The following C21orf58 variants were observed in gnomAD, a reference collection of about 807,000 sequenced individuals.
The protein encoded by C21orf58 is uncharacterized protein C21orf58.
C21orf58 carries 34 observed loss-of-function variants against 35.8 expected under a neutral mutation model. That is an observed-to-expected ratio of 0.95 (90% CI 0.72 to 1.26). The LOEUF (loss-of-function observed/expected upper bound fraction) is 1.26, where lower values mean the gene tolerates loss of function less well. C21orf58 is among the 50% of genes most tolerant of loss of function. C21orf58 has a pLI of 0.00. For synonymous variants in C21orf58, 191 were observed against 175.8 expected, an observed-to-expected ratio of 1.09 and a Z score of -0.68; for missense variants, 440 against 414.3, an observed-to-expected ratio of 1.06 and a Z score of -0.54.
At position 46,318,002 on chromosome 21, in the gene C21orf58, T is replaced by C. The variant is rs1601703535; in HGVS notation, c.309+10A>G. 2 of 1,612,910 alleles carry C rather than the reference T, an allele frequency of 1.2e-6. No homozygotes were observed. The highest frequency in any genetic ancestry group is 2.2e-5 in the East Asian group (1 of 44,860). On this transcript the variant is annotated intron_variant, in intron 2 of 7. Transcript: ENST00000291691. ...TGTTAAAAACAGGAGCATCCCGGGC[T>C]CTGCCTCACCTGTCCCAAGAGCTTC...
At position 46,323,842 on chromosome 21, in the gene C21orf58, C is replaced by T. The variant is rs962186620; in HGVS notation, c.-1104G>A. The T allele has an allele frequency of 5.4e-6, 2 of 367,300 alleles. No homozygotes were observed. The highest frequency in any genetic ancestry group is 2.2e-5 in the African/African-American group (1 of 46,208). 22.8% of individuals were successfully genotyped at this position (367,300 alleles called of 1,614,324 possible). The stretch of plus-strand genomic sequence containing the variant: ...GGTGGACACAAAGCCCAGGGGCCGC[C>T]CGCGCGGGACCAGCAGCGCGAACTT... On this transcript the variant is annotated 5_prime_UTR_variant, in exon 1 of 8. Coordinates refer to ENST00000291691, the MANE Select transcript of C21orf58 (RefSeq NM_058180.5).
chr21:46,322,553 G>A (rs370909111), intron 1 of C21orf58, 86 bp downstream of exon 1: 2 of 1,343,590 alleles, frequency 1.5e-6, no homozygotes, highest in Non-Finnish European at 1.9e-6. Flanking sequence ...CCTGGCCCCT[G>A]CTCTAATGAG....
At position 46,323,113 on chromosome 21, in the gene C21orf58, G is replaced by C. The variant is rs2083231511; in HGVS notation, c.-375C>G. 1.3e-5 allele frequency: 2 copies of C among 157,672 alleles called. No homozygotes were observed. The highest frequency in any genetic ancestry group is 1.3e-4 in the Admixed American group (2 of 15,430). 9.8% of individuals were successfully genotyped at this position (157,672 alleles called of 1,614,324 possible). On this transcript the variant is annotated 5_prime_UTR_variant, in exon 1 of 8. Coordinates refer to ENST00000291691, the MANE Select transcript of C21orf58 (RefSeq NM_058180.5). ...CTTGGTTTTTTGCCACTTCGCTCCA[G>C]TTAGTTTCCCAAGTTCCACCTACGC...
chr21:46,311,592 A>C (rs373847445), intron 5 of C21orf58, 25 bp from the exon 6 acceptor site: 10 of 1,424,778 alleles, frequency 7.0e-6, no homozygotes, highest in Non-Finnish European at 8.8e-6. Context: ...GTGATTAGCT[A>C]TCTGCATATG....
intron 6 of C21orf58, among the ~76,000 whole-genome samples, chr21:46,306,863 C>T (rs1196533457): frequency 1.3e-5 from 2 of 152,048 alleles, no homozygotes; most frequent in Non-Finnish European, 2.9e-5. Flanking sequence ...GCTGGGATTA[C>T]AGGTGTGAGC....
Position 46,314,745 on chromosome 21 carries a change from G to A in C21orf58, c.580C>T (p.Pro194Ser), listed in dbSNP as rs13047478. 0.35 allele frequency: 517,774 copies of A among 1,491,052 alleles called. 92,413 individuals carry two copies. The highest frequency in any genetic ancestry group is 0.45 in the Admixed American group (20,542 of 45,768). 92.4% of individuals were successfully genotyped at this position (1,491,052 alleles called of 1,614,324 possible). A position where few individuals can be genotyped will look rare whatever the true frequency, so the allele number is the denominator to read the frequency against. The change falls in exon 5 of 8, where the codon CCA becomes TCA. Residue 194 changes from proline to serine, a missense_variant. Pro to Ser is a moderately conservative substitution (Grantham distance 74). Transcript: ENST00000291691. ...GGCAGGATGATCCTTGGCGGGTCTG[G>A]GGCCAGCGGGGATGGGGAGGCAGTG... ...LPTASPSPLAPDPPRIILPTV... is the reference protein window; with the variant it reads ...LPTASPSPLASDPPRIILPTV...
At chr21:46,317,073 G>A in intron 3 of C21orf58, 135 bp downstream of exon 3, 1 of 702,276 alleles carries the variant, frequency 1.4e-6, no homozygotes, top group Non-Finnish European at 2.4e-6. Context: ...AAGCGTTGAG[G>A]ACAATCTCGC....
chr21:46,321,027 CAG>C (rs1253095412), intron 1 of C21orf58, among the ~76,000 whole-genome samples: 5 of 152,012 alleles, frequency 3.3e-5, no homozygotes, highest in Admixed American at 3.3e-4. Context: ...ATGGATTTGT[CAG>C]ACTTTTTTTT....
At chr21:46,307,977 G>A (rs2082496796) in intron 6 of C21orf58, among the ~76,000 whole-genome samples, 3 of 152,032 alleles carry the variant, frequency 2.0e-5, no homozygotes, top group Admixed American at 2.0e-4. Context: ...GCAGACACTA[G>A]ATAACAGTTT....
At chr21:46,300,542 C>T (rs2082076937), downstream of C21orf58, 1 of 691,506 alleles carries the variant, frequency 1.4e-6, no homozygotes, top group Admixed American at 4.6e-5. Context: ...AGCACAGAGT[C>T]TCTGGAATCA....
intron 6 of C21orf58, among the ~76,000 whole-genome samples, chr21:46,309,880 C>T (rs2082593217): frequency 1.3e-5 from 2 of 151,964 alleles, no homozygotes; most frequent in Non-Finnish European, 2.9e-5. Flanking sequence ...CCTGTAATCC[C>T]CAGCTACTCC....
rs146634405 is a variant in C21orf58 at position 46,322,917 on chromosome 21, C to G, written c.-179G>C. On this transcript the variant is annotated 5_prime_UTR_variant, in exon 1 of 8. Coordinates refer to ENST00000291691, the MANE Select transcript of C21orf58 (RefSeq NM_058180.5). ...CTCGGGAAGGGCATCGTTACTGCTGCAAACAAGCACACGGCCCTCCACGAC... is the reference window on the plus strand; with the variant it reads ...CTCGGGAAGGGCATCGTTACTGCTGGAAACAAGCACACGGCCCTCCACGAC... 761 of 472,888 alleles carry G rather than the reference C, an allele frequency of 1.6e-3. 11 individuals are homozygous for G. Among genetic ancestry groups the G allele is most frequent in the African/African-American group, 0.014 (705 of 50,118 alleles). 29.3% of individuals were successfully genotyped at this position (472,888 alleles called of 1,614,324 possible). A position where few individuals can be genotyped will look rare whatever the true frequency, so the allele number is the denominator to read the frequency against.
chr21:46,307,504 ACTT>A (rs1355648740), intron 6 of C21orf58, among the ~76,000 whole-genome samples: 1 of 152,098 alleles, frequency 6.6e-6, no homozygotes, highest in African/African-American at 2.4e-5. Context: ...CTATCACTAA[ACTT>A]CATCTGGAAA....
At chr21:46,310,510 C>CAA (rs2082634158) in intron 6 of C21orf58, among the ~76,000 whole-genome samples, 33 of 147,008 alleles carry the variant, frequency 2.2e-4, no homozygotes, top group African/African-American at 8.2e-4. Flanking sequence ...AAAAAAAAAA[C>CAA]AAAACTTGTC....
intron 2 of C21orf58, 73 bp from the exon 3 acceptor site, chr21:46,317,341 G>T: frequency 6.4e-7 from 1 of 1,563,224 alleles, no homozygotes. Context: ...GAATGACTAA[G>T]AGGCTTTCTG....
At position 46,318,005 on chromosome 21, in the gene C21orf58, G is replaced by A; in HGVS notation, c.309+7C>T. On this transcript the variant is annotated splice_region_variant and intron_variant, in intron 2 of 7. Coordinates refer to ENST00000291691, the MANE Select transcript of C21orf58 (RefSeq NM_058180.5). The stretch of plus-strand genomic sequence containing the variant: ...TAAAAACAGGAGCATCCCGGGCTCT[G>A]CCTCACCTGTCCCAAGAGCTTCAGC... The A allele has an allele frequency of 1.2e-6, 2 of 1,613,058 alleles. No homozygotes were observed. The highest frequency in any genetic ancestry group is 1.7e-6 in the Non-Finnish European group (2 of 1,179,856).
chr21:46,302,595 G>C lies in C21orf58; in HGVS notation c.722-19C>G. The C allele has an allele frequency of 1.3e-6, 2 of 1,595,150 alleles. No homozygotes were observed. The highest frequency in any genetic ancestry group is 1.7e-4 in the Middle Eastern group (1 of 6,022). ...ACCATGTCTGCAGGGAAGAAGCAGG[G>C]GGACCCTGAATAAAGTTTCCGTTTT... On this transcript the variant is annotated intron_variant, in intron 6 of 7. Transcript: ENST00000291691.
intron 6 of C21orf58, among the ~76,000 whole-genome samples, chr21:46,305,423 G>A (rs2082370318): frequency 6.8e-6 from 1 of 148,008 alleles, no homozygotes; most frequent in South Asian, 2.1e-4. Flanking sequence ...TGGACCTCCT[G>A]GGCTCAAGGG....
intron 1 of C21orf58, chr21:46,318,587 C>G: frequency 2.6e-6 from 3 of 1,146,214 alleles, no homozygotes; most frequent in Middle Eastern, 3.9e-4. Flanking sequence ...GGTGTTAATA[C>G]CTCCCTCCTA....
Sources: allele counts gnomAD v4.1 joint callset (sites outside exome capture counted in the v4.1 genomes callset), GRCh38; gene constraint gnomAD v4.1.1; transcripts MANE v1.5; gene names NCBI Gene and HGNC (gene_info 2026-07-23, HGNC 2026-07-21).